Variants in PIK3C2B observed in about 807,000 individuals in gnomAD.
PIK3C2B encodes the protein phosphatidylinositol-4-phosphate 3-kinase catalytic subunit type 2 beta.
Under a neutral mutation model 184.3 loss-of-function variants are expected in PIK3C2B, and 83 were observed. The observed-to-expected ratio is 0.45, with a 90% confidence interval of 0.38 to 0.54. The LOEUF is 0.54. PIK3C2B is among the 20% of genes least tolerant of loss of function. The pLI is 0.00. For synonymous variants in PIK3C2B, 779 were observed against 837.6 expected, an observed-to-expected ratio of 0.93 and a Z score of 1.21; for missense variants, 1,736 against 2,113.5, an observed-to-expected ratio of 0.82 and a Z score of 3.50.
chr1:204,433,777 G>A lies in PIK3C2B; in HGVS notation c.3843+16C>T, dbSNP rs751466341. 1 of 1,611,226 alleles carries A rather than the reference G, an allele frequency of 6.2e-7. No individual in the cohort carries two copies. Among genetic ancestry groups the A allele is most frequent in the Non-Finnish European group, 8.5e-7 (1 of 1,177,360 alleles). The stretch of plus-strand genomic sequence containing the variant: ...TAATAAGAAGAAGGTATTCGGAAAG[G>A]GATGGAGCTCCTCACCAGGCCCAGA... On this transcript the variant is annotated intron_variant, in intron 25 of 32. Coordinates refer to ENST00000684373, the MANE Select transcript of PIK3C2B (RefSeq NM_001377334.1). This position sits in a 1 kb window ranked among gnomAD's most constrained non-coding sequence, Gnocchi z 5.0.
chr1:204,480,353 G>C (rs972373790), intron 1 of PIK3C2B, among the ~76,000 whole-genome samples: 3 of 152,202 alleles, frequency 2.0e-5, no homozygotes, highest in South Asian at 2.1e-4. Context: ...TTCTGTCCCA[G>C]ATGAGAGGGA....
At chr1:204,484,712 C>T (rs1277187631) in intron 1 of PIK3C2B, among the ~76,000 whole-genome samples, 5 of 151,080 alleles carry the variant, frequency 3.3e-5, no homozygotes, top group African/African-American at 7.3e-5. Flanking sequence ...CCAGCCTGGG[C>T]GACAAAGCGA....
intron 8 of PIK3C2B, among the ~76,000 whole-genome samples, chr1:204,459,390 G>A (rs1378850482): frequency 6.6e-6 from 1 of 152,228 alleles, no homozygotes; most frequent in Non-Finnish European, 1.5e-5. Context: ...TGACTCTCAT[G>A]GTTTTGAGGC....
chr1:204,469,069 T>C lies in PIK3C2B; in HGVS notation c.734A>G (p.Asp245Gly). 6.2e-7 allele frequency: 1 copy of C among 1,614,188 alleles called. No individual in the cohort carries two copies. Among genetic ancestry groups the C allele is most frequent in the South Asian group, 1.1e-5 (1 of 91,080 alleles). Residue 245 changes from aspartate to glycine, a missense_variant, in exon 2 of 33, where the codon GAT becomes GGT. Physicochemically the swap from Asp to Gly is moderately conservative, Grantham distance 94. This residue lies in a region of PIK3C2B where 404 missense variants were observed against 418.0 expected (regional missense o/e 0.97). Coordinates refer to ENST00000684373, the MANE Select transcript of PIK3C2B (RefSeq NM_001377334.1). ...GGTGGCATCCCGCAACATCTCCGCA[T>C]CATAGGTCGATTTCAAGTTGAGCCT... ...ITRLNLKSTY[D>G]AEMLRDATRG...
intron 21 of PIK3C2B, among the ~76,000 whole-genome samples, chr1:204,440,800 A>C (rs933378417): frequency 1.2e-4 from 18 of 149,166 alleles, no homozygotes; most frequent in Non-Finnish European, 2.4e-4. Context: ...TTTAGTAGAG[A>C]TGGGGTCTCA....
At chr1:204,482,307 C>T (rs1488013278) in intron 1 of PIK3C2B, among the ~76,000 whole-genome samples, 2 of 152,226 alleles carry the variant, frequency 1.3e-5, no homozygotes, top group Non-Finnish European at 2.9e-5. Context: ...CAGGTTGATC[C>T]AGGTGGCCAC....
chr1:204,475,269 A>G (rs1355060768), intron 1 of PIK3C2B, among the ~76,000 whole-genome samples: 1 of 152,162 alleles, frequency 6.6e-6, no homozygotes, highest in Non-Finnish European at 1.5e-5. Context: ...ATGACCACGT[A>G]TGTGATACCT....
At position 204,447,622 on chromosome 1, in the gene PIK3C2B, G is replaced by A. The variant is rs755261049; in HGVS notation, c.2347-44C>T. 6.9e-6 allele frequency: 10 copies of A among 1,452,062 alleles called. No individual in the cohort carries two copies. The South Asian group carries it at 6.9e-5, about 10-fold the overall frequency. The allele number at this position is 1,452,062 out of a possible 1,614,324, so 89.9% of individuals were successfully genotyped here. A position where few individuals can be genotyped will look rare whatever the true frequency, so the allele number is the denominator to read the frequency against. On this transcript the variant is annotated intron_variant, in intron 14 of 32. Coordinates refer to ENST00000684373, the MANE Select transcript of PIK3C2B (RefSeq NM_001377334.1). The surrounding 1 kb of genome is among the most constrained non-coding windows in gnomAD (Gnocchi z 4.1). Reference sequence around the variant, plus strand: ...GATGTGAGGAGAGAAAACAGGCAGCGTGTGTGGACTCCCAGCTTCTTTCTC... The same window carrying A: ...GATGTGAGGAGAGAAAACAGGCAGCATGTGTGGACTCCCAGCTTCTTTCTC...
chr1:204,454,639 T>C (rs1345504282), intron 12 of PIK3C2B, 30 bp downstream of exon 12: 7 of 1,610,696 alleles, frequency 4.3e-6, no homozygotes, highest in Non-Finnish European at 5.9e-6. Context: ...TACAGTGGCC[T>C]GGGCACTGAA....
chr1:204,454,880 C>T (rs1284079345), intron 11 of PIK3C2B, 89 bp from the exon 12 acceptor site: 2 of 1,436,012 alleles, frequency 1.4e-6, no homozygotes, highest in Admixed American at 4.3e-5. Flanking sequence ...AAATCCATTT[C>T]CCCTGGTAAA....
chr1:204,464,331 G>A, intron 4 of PIK3C2B, 119 bp downstream of exon 4: 2 of 1,177,338 alleles, frequency 1.7e-6, no homozygotes, highest in Non-Finnish European at 2.4e-6. Flanking sequence ...CACCCCCAAA[G>A]GAGCATCCTC....
intron 12 of PIK3C2B, among the ~76,000 whole-genome samples, chr1:204,452,743 C>T (rs1021369998): frequency 6.6e-6 from 1 of 150,764 alleles, no homozygotes; most frequent in African/African-American, 2.5e-5. Flanking sequence ...CAGCCTCGAC[C>T]TCCCAGGCTC....
intron 9 of PIK3C2B, among the ~76,000 whole-genome samples, 189 bp from the exon 10 acceptor site, chr1:204,457,259 G>C (rs1572347882): frequency 6.6e-6 from 1 of 152,128 alleles, no homozygotes; most frequent in African/African-American, 2.4e-5. Context: ...GTGAGCTGAC[G>C]GAGGATAGCA....
chr1:204,438,917 C>A lies in PIK3C2B; in HGVS notation c.3516+18G>T. On this transcript the variant is annotated intron_variant, in intron 23 of 32. Coordinates refer to ENST00000684373, the MANE Select transcript of PIK3C2B (RefSeq NM_001377334.1). Reference sequence around the variant, plus strand: ...GGCACACACACACACCAGACGCACTCCCCACCCACAACCCTACCTTCTCAT... The same window carrying A: ...GGCACACACACACACCAGACGCACTACCCACCCACAACCCTACCTTCTCAT... The A allele has an allele frequency of 6.2e-7, 1 of 1,611,078 alleles. No individual in the cohort carries two copies. Among genetic ancestry groups the A allele is most frequent in the South Asian group, 1.1e-5 (1 of 91,006 alleles).
At chr1:204,446,954 A>C (rs1215648942) in intron 15 of PIK3C2B, among the ~76,000 whole-genome samples, 1 of 152,190 alleles carries the variant, frequency 6.6e-6, no homozygotes, top group African/African-American at 2.4e-5. Context: ...TGAAAGCAGC[A>C]GCCCCAAGGA....
At position 204,460,378 on chromosome 1, in the gene PIK3C2B, G is replaced by A; in HGVS notation, c.1448C>T (p.Thr483Ile). The change falls in exon 7 of 33, where the codon ACC becomes ATC. Residue 483 changes from threonine to isoleucine, a missense_variant. Thr to Ile is a moderately conservative substitution (Grantham distance 89). Coordinates refer to ENST00000684373, the MANE Select transcript of PIK3C2B (RefSeq NM_001377334.1). ...TTGGAGATGGACGAGGTAGTTCAAG[G>A]TGGAGGGGCTCTGGTCATCATTCAC... The part of the protein sequence containing the change: ...RTVNDDQSPS[T>I]LNYLVHLQER... 6.2e-7 allele frequency: 1 copy of A among 1,613,968 alleles called. No homozygotes were observed. Among genetic ancestry groups the A allele is most frequent in the Non-Finnish European group, 8.5e-7 (1 of 1,179,900 alleles).
chr1:204,460,603 T>C lies in PIK3C2B; in HGVS notation c.1369A>G (p.Ile457Val), dbSNP rs1655249581. 1 of 1,613,984 alleles carries C rather than the reference T, an allele frequency of 6.2e-7. No individual in the cohort carries two copies. Among genetic ancestry groups the C allele is most frequent in the Non-Finnish European group, 8.5e-7 (1 of 1,180,018 alleles). Residue 457 changes from isoleucine (I) to valine (V), a missense_variant, in exon 6 of 33, where the codon ATT becomes GTT. Transcript: ENST00000684373. ...IQYCRKFDID[I>V]RLQLMEQKVV... ...TTCTGCTCCATCAGCTGTAGCCGAA[T>C]GTCAATGTCAAACTTGCGGCAGTAT...
chr1:204,440,789 T>TATA (rs1558239822), intron 21 of PIK3C2B, among the ~76,000 whole-genome samples: 1 of 142,686 alleles, frequency 7.0e-6, no homozygotes, highest in African/African-American at 2.7e-5. Flanking sequence ...ATATATATAT[T>TATA]TTTAGTAGAG....
chr1:204,426,384 T>G (rs2103462350), intron 31 of PIK3C2B, among the ~76,000 whole-genome samples: 1 of 152,306 alleles, frequency 6.6e-6, no homozygotes, highest in Non-Finnish European at 1.5e-5. Context: ...GGCTCCTGGC[T>G]CTGGGCTGTC....
Sources: gnomAD v4.1 joint callset for allele counts (sites outside exome capture counted in the v4.1 genomes callset) on GRCh38, gnomAD v4.1.1 for gene constraint, gnomAD v4.1.1 regional missense constraint, Gnocchi (gnomAD v3.1) non-coding constraint, MANE v1.5 for transcripts, NCBI Gene and HGNC (gene_info 2026-07-23, HGNC 2026-07-21) for gene names.